ADGRB3: variants seen among roughly 807,000 people sequenced by gnomAD.
ADGRB3 encodes brain-specific angiogenesis inhibitor 3.
Under a neutral mutation model 193.4 loss-of-function variants are expected in ADGRB3, and 37 were observed. The ratio of observed to expected loss-of-function variants is 0.19; its 90% CI spans 0.15 to 0.25. The LOEUF is 0.25. ADGRB3 is among the 10% of genes least tolerant of loss of function. The probability of loss-of-function intolerance (pLI) is 1.00; values close to 1 mark genes in which losing one functional copy is unlikely to be tolerated. For missense variants in ADGRB3, 1,637 were observed against 1,852.9 expected (o/e 0.88, Z 2.14); for synonymous variants, 690 against 644.2 (o/e 1.07, Z -1.08).
intron 17 of ADGRB3, among the ~76,000 whole-genome samples, chr6:69,099,588 C>T (rs1351588545): frequency 1.3e-5 from 2 of 152,194 alleles, no homozygotes; most frequent in African/African-American, 4.8e-5. Context: ...AACACAATGG[C>T]CTTTCTTGCT....
intron 20 of ADGRB3, among the ~76,000 whole-genome samples, chr6:69,284,298 C>T (rs138303344): frequency 6.6e-6 from 1 of 152,202 alleles, no homozygotes; most frequent in East Asian, 1.9e-4. Flanking sequence ...ACATAGTCAT[C>T]GTATTTTTTC....
At chr6:69,200,575 A>G (rs1277932137) in intron 17 of ADGRB3, among the ~76,000 whole-genome samples, 3 of 152,146 alleles carry the variant, frequency 2.0e-5, no homozygotes, top group Non-Finnish European at 4.4e-5. Flanking sequence ...TTACTTGACT[A>G]AAGGTTCTGA....
At chr6:69,029,821 T>C (rs1227809718) in intron 13 of ADGRB3, among the ~76,000 whole-genome samples, 1 of 152,066 alleles carries the variant, frequency 6.6e-6, no homozygotes, top group Non-Finnish European at 1.5e-5. Context: ...AGAATTCTAG[T>C]TTCTTACATG....
intron 3 of ADGRB3, among the ~76,000 whole-genome samples, chr6:68,862,192 A>G (rs1765176160): frequency 6.8e-6 from 1 of 146,004 alleles, no homozygotes. Context: ...ACTCACCATT[A>G]CTCCTTTCAA....
chr6:69,300,535 T>G (rs1203706448), intron 20 of ADGRB3, among the ~76,000 whole-genome samples: 3 of 151,790 alleles, frequency 2.0e-5, no homozygotes, highest in African/African-American at 7.2e-5. Context: ...TTATCCTTAT[T>G]TGCAACAGAT....
intron 3 of ADGRB3, among the ~76,000 whole-genome samples, chr6:68,686,271 A>G (rs897520093): frequency 2.6e-5 from 4 of 152,190 alleles, no homozygotes; most frequent in African/African-American, 7.2e-5. Context: ...TTCTCAAAAC[A>G]CTTTCAAAAT....
intron 16 of ADGRB3, among the ~76,000 whole-genome samples, chr6:69,068,997 T>C (rs545582509): frequency 6.6e-6 from 1 of 152,232 alleles, no homozygotes; most frequent in East Asian, 1.9e-4. Context: ...ATAAAATCCA[T>C]CCAAATTATC....
At chr6:68,859,995 G>A (rs191543905) in intron 3 of ADGRB3, among the ~76,000 whole-genome samples, 1 of 151,898 alleles carries the variant, frequency 6.6e-6, no homozygotes, top group African/African-American at 2.4e-5. Context: ...AGTAACTATA[G>A]GTATTTTATG....
rs574521407 is a variant in ADGRB3 at position 69,250,513 on chromosome 6, A to T, written c.2814+11287A>T. On this transcript the variant is annotated intron_variant, in intron 20 of 31. Coordinates refer to ENST00000370598, the MANE Select transcript of ADGRB3 (RefSeq NM_001704.3). ...TATGTAACAAATTACCTCAAAGCTTAGTAGCTCAAAACATATTTATAATCC... is the reference window on the plus strand; with the variant it reads ...TATGTAACAAATTACCTCAAAGCTTTGTAGCTCAAAACATATTTATAATCC... Among the ~76,000 whole-genome samples, 6 of 152,346 alleles carry T rather than the reference A, an allele frequency of 3.9e-5. No individual in the cohort carries two copies. The East Asian group carries it at 7.7e-4, about 20-fold the overall frequency.
intron 10 of ADGRB3, among the ~76,000 whole-genome samples, chr6:68,991,935 A>G (rs1769250674): frequency 6.6e-6 from 1 of 152,170 alleles, no homozygotes; most frequent in South Asian, 2.1e-4. Flanking sequence ...ACCTAGGCAC[A>G]CCTGGCTCTA....
intron 17 of ADGRB3, among the ~76,000 whole-genome samples, chr6:69,115,359 A>G (rs1332892167): frequency 6.6e-6 from 1 of 151,358 alleles, no homozygotes; most frequent in Non-Finnish European, 1.5e-5. Context: ...AAAAACAAAC[A>G]CCGCATGTTC....
rs560824623 is a variant in ADGRB3, at chr6:69,048,459, T to C, written c.2257+125T>C. 3,626 of 1,015,718 alleles carry C rather than the reference T, an allele frequency of 3.6e-3. 26 individuals are homozygous for C. The highest frequency in any genetic ancestry group is 4.3e-3 in the Non-Finnish European group (3,075 of 717,402). 62.9% of individuals were successfully genotyped at this position (1,015,718 alleles called of 1,614,324 possible). ...ATAGTCTGTAATCATTATTTTAAAC[T>C]AATTTTCTAAATATGGACAACTTAT... On this transcript the variant is annotated intron_variant, in intron 14 of 31. Transcript: ENST00000370598.
intron 3 of ADGRB3, among the ~76,000 whole-genome samples, chr6:68,662,065 G>A (rs1013906978): frequency 6.6e-6 from 1 of 151,454 alleles, no homozygotes; most frequent in Non-Finnish European, 1.5e-5. Context: ...GCAAAGGGGA[G>A]CTGGTTCAAG....
chr6:68,849,832 A>G (rs760554862), intron 3 of ADGRB3, among the ~76,000 whole-genome samples: 18 of 151,974 alleles, frequency 1.2e-4, no homozygotes, highest in Non-Finnish European at 2.5e-4. Context: ...TTTCAATCAA[A>G]TGTGTCAACT....
rs186136535 is a variant in ADGRB3 at position 68,858,339 on chromosome 6, C to T, written c.758-72220C>T. 2.2e-3 allele frequency among the ~76,000 whole-genome samples: 337 copies of T among 151,936 alleles called. 3 individuals are homozygous for T. The highest frequency in any genetic ancestry group is 7.6e-3 in the African/African-American group (315 of 41,424). On this transcript the variant is annotated intron_variant, in intron 3 of 31. Transcript: ENST00000370598. ...CCAACATAGAGAAACCCCATCTCTA[C>T]TGAAAATACAAAAAATTAGCCAGGT...
chr6:68,880,305 A>T (rs1198221737), intron 3 of ADGRB3, among the ~76,000 whole-genome samples: 1 of 152,208 alleles, frequency 6.6e-6, no homozygotes, highest in African/African-American at 2.4e-5. Flanking sequence ...GCAGTGTTAC[A>T]GATGGCCTAT....
chr6:68,872,915 G>C (rs1040530350), intron 3 of ADGRB3, among the ~76,000 whole-genome samples: 1 of 152,060 alleles, frequency 6.6e-6, no homozygotes, highest in African/African-American at 2.4e-5. Context: ...TGCTGATCAA[G>C]CTCAAACACT....
intron 17 of ADGRB3, among the ~76,000 whole-genome samples, chr6:69,216,870 G>A (rs1765781005): frequency 6.6e-6 from 1 of 152,180 alleles, no homozygotes; most frequent in Non-Finnish European, 1.5e-5. Context: ...TCTGGATAAA[G>A]AGAGGAACTG....
chr6:68,749,408 A>ATATG lies in ADGRB3; in HGVS notation c.757+109977_757+109978insATGT, dbSNP rs540892508. On this transcript the variant is annotated intron_variant, in intron 3 of 31. Coordinates refer to ENST00000370598, the MANE Select transcript of ADGRB3 (RefSeq NM_001704.3). The stretch of plus-strand genomic sequence containing the variant: ...TAAACTCCCCTTTATATATATATAT[A>ATATG]TGTGTGTGTGTGTGTGTGTGTGTGT... Among the ~76,000 whole-genome samples, 505 of 136,562 alleles carry ATATG rather than the reference A, an allele frequency of 3.7e-3. 1 individual carries two copies. Among genetic ancestry groups the ATATG allele is most frequent in the Middle Eastern group, 0.015 (4 of 270 alleles). 89.6% of individuals were successfully genotyped at this position (136,562 alleles called of 152,430 possible). A position where few individuals can be genotyped will look rare whatever the true frequency, so the allele number is the denominator to read the frequency against.
Sources: allele counts gnomAD v4.1 joint callset (sites outside exome capture counted in the v4.1 genomes callset), GRCh38; gene constraint gnomAD v4.1.1; transcripts MANE v1.5; gene names NCBI Gene and HGNC (gene_info 2026-07-23, HGNC 2026-07-21).